CNTN5: variants seen among roughly 807,000 people sequenced by gnomAD.
CNTN5 encodes the protein contactin 5, also known as contactin-5.
CNTN5 carries 77 observed loss-of-function variants against 129.1 expected under a neutral mutation model. That is an observed-to-expected ratio of 0.60 (90% CI 0.50 to 0.72). CNTN5 has a LOEUF of 0.72. Among genes scored for constraint, CNTN5 ranks in the 30% least tolerant of loss-of-function variants. The probability of loss-of-function intolerance (pLI) is 0.00; values close to 1 mark genes in which losing one functional copy is unlikely to be tolerated. For synonymous variants in CNTN5, 509 were observed against 465.6 expected, an observed-to-expected ratio of 1.09 and a Z score of -1.20; for missense variants, 1,478 against 1,328.8, an observed-to-expected ratio of 1.11 and a Z score of -1.75.
At chr11:99,469,316 C>A (rs1380347386) in intron 2 of CNTN5, among the ~76,000 whole-genome samples, 1 of 152,114 alleles carries the variant, frequency 6.6e-6, no homozygotes, top group Non-Finnish European at 1.5e-5. Context: ...TTCATCCATT[C>A]ATGGTATAAA....
At chr11:99,513,785 G>A (rs1006672447) in intron 2 of CNTN5, among the ~76,000 whole-genome samples, 17 of 151,982 alleles carry the variant, frequency 1.1e-4, no homozygotes, top group African/African-American at 4.1e-4. Context: ...AAAGCACCTG[G>A]TCATGCAAGA....
At chr11:99,988,775 C>T (rs1938858124) in intron 8 of CNTN5, among the ~76,000 whole-genome samples, 1 of 152,030 alleles carries the variant, frequency 6.6e-6, no homozygotes, top group South Asian at 2.1e-4. Flanking sequence ...GTAGCTTTTC[C>T]ACTCTTCAAT....
In CNTN5 at chr11:99,819,532, T is replaced by C; in HGVS notation, c.56-12T>C. The C allele has an allele frequency of 6.3e-7, 1 of 1,585,564 alleles. No individual in the cohort carries two copies. ...TCAAAATTCAGATTTTATTATATTTTTTCTCTTACAGAGTATTCAAAATCT... is the reference window on the plus strand; with the variant it reads ...TCAAAATTCAGATTTTATTATATTTCTTCTCTTACAGAGTATTCAAAATCT... On this transcript the variant is annotated splice_polypyrimidine_tract_variant and intron_variant, in intron 3 of 24. Coordinates refer to ENST00000524871, the MANE Select transcript of CNTN5 (RefSeq NM_014361.4).
intron 21 of CNTN5, among the ~76,000 whole-genome samples, chr11:100,330,417 C>G (rs1193122160): frequency 6.6e-6 from 1 of 152,116 alleles, no homozygotes; most frequent in African/African-American, 2.4e-5. Context: ...AGGGAATAAT[C>G]AAAGATAACT....
chr11:99,819,500 A>T (rs745803839), intron 3 of CNTN5, 44 bp from the exon 4 acceptor site: 5 of 1,505,920 alleles, frequency 3.3e-6, no homozygotes, highest in Non-Finnish European at 4.6e-6. Context: ...AAAATAAACT[A>T]GTTTCCTCAA....
chr11:99,236,943 G>T (rs1861302379), intron 1 of CNTN5, among the ~76,000 whole-genome samples: 1 of 150,690 alleles, frequency 6.6e-6, no homozygotes, highest in African/African-American at 2.4e-5. Flanking sequence ...TTAATTTTCT[G>T]CATAATTTAT....
intron 6 of CNTN5, among the ~76,000 whole-genome samples, chr11:99,910,591 T>A (rs1484565463): frequency 1.3e-5 from 2 of 152,100 alleles, no homozygotes; most frequent in Non-Finnish European, 2.9e-5. Flanking sequence ...TTTTTAAAAC[T>A]TTAGAATCAA....
intron 9 of CNTN5, among the ~76,000 whole-genome samples, chr11:100,038,462 G>T (rs1351892102): frequency 6.6e-6 from 1 of 152,192 alleles, no homozygotes; most frequent in Non-Finnish European, 1.5e-5. Context: ...GGGGTGGAGA[G>T]TTCTGTAAAT....
At chr11:99,802,362 G>A (rs1946140729) in intron 3 of CNTN5, among the ~76,000 whole-genome samples, 1 of 152,166 alleles carries the variant, frequency 6.6e-6, no homozygotes, top group Non-Finnish European at 1.5e-5. Flanking sequence ...TAACTCTGGA[G>A]GGTAGGGGGA....
At chr11:100,088,378 A>C (rs1944635424) in intron 13 of CNTN5, among the ~76,000 whole-genome samples, 1 of 152,122 alleles carries the variant, frequency 6.6e-6, no homozygotes, top group Non-Finnish European at 1.5e-5. Flanking sequence ...GAAAAGATAT[A>C]ACTAAAATTA....
intron 2 of CNTN5, among the ~76,000 whole-genome samples, chr11:99,389,268 T>G (rs1311259556): frequency 6.6e-6 from 1 of 152,080 alleles, no homozygotes; most frequent in Admixed American, 6.6e-5. Flanking sequence ...CCTCAGGTGA[T>G]CCACCTGTCT....
intron 13 of CNTN5, among the ~76,000 whole-genome samples, chr11:100,155,281 C>T (rs188981591): frequency 2.0e-5 from 3 of 152,192 alleles, no homozygotes; most frequent in South Asian, 2.1e-4. Flanking sequence ...ATATTGATTC[C>T]TTTCCACATT....
intron 2 of CNTN5, among the ~76,000 whole-genome samples, chr11:99,462,614 A>T (rs1454520343): frequency 6.6e-6 from 1 of 152,068 alleles, no homozygotes; most frequent in Non-Finnish European, 1.5e-5. Context: ...TGCCTTTGTC[A>T]CTCAGCAAAG....
intron 13 of CNTN5, among the ~76,000 whole-genome samples, chr11:100,113,354 T>A (rs1591268003): frequency 8.9e-6 from 1 of 112,870 alleles, no homozygotes; most frequent in Non-Finnish European, 1.7e-5. Context: ...GAAACTAAAG[T>A]TGAATCTTCA....
intron 21 of CNTN5, among the ~76,000 whole-genome samples, chr11:100,338,651 G>A (rs1176179930): frequency 6.6e-6 from 1 of 152,174 alleles, no homozygotes; most frequent in Non-Finnish European, 1.5e-5. Context: ...AAGCCTTTGT[G>A]GGAGGGAGCA....
intron 2 of CNTN5, among the ~76,000 whole-genome samples, chr11:99,484,917 G>A (rs996325248): frequency 2.0e-5 from 3 of 152,056 alleles, no homozygotes; most frequent in East Asian, 1.9e-4. Flanking sequence ...GGGAAGGGCC[G>A]GGGAGAGGGG....
chr11:100,047,024 C>A (rs1942719436), intron 9 of CNTN5, among the ~76,000 whole-genome samples: 1 of 151,976 alleles, frequency 6.6e-6, no homozygotes, highest in African/African-American at 2.4e-5. Context: ...ATTTATAGGG[C>A]AAGTAACAGG....
At chr11:99,357,982 C>T (rs865922298) in intron 2 of CNTN5, among the ~76,000 whole-genome samples, 11 of 146,666 alleles carry the variant, frequency 7.5e-5, no homozygotes, top group Admixed American at 4.8e-4. Context: ...CCAGCCTGGG[C>T]GAGAGAGGGA....
chr11:99,433,220 T>C (rs1943461451), intron 2 of CNTN5, among the ~76,000 whole-genome samples: 1 of 152,114 alleles, frequency 6.6e-6, no homozygotes, highest in Non-Finnish European at 1.5e-5. Flanking sequence ...CAAGGTCCTC[T>C]GGGGAGAACC....
Sources: gnomAD v4.1 joint callset for allele counts (sites outside exome capture counted in the v4.1 genomes callset) on GRCh38, gnomAD v4.1.1 for gene constraint, MANE v1.5 for transcripts, NCBI Gene and HGNC (gene_info 2026-07-23, HGNC 2026-07-21) for gene names.